Variants in MTO1 observed in about 807,000 individuals in gnomAD.
MTO1 encodes mitochondrial tRNA translation optimization 1, also known as 5-taurinomethyluridine-[tRNA] synthase subunit MTO1, mitochondrial.
In MTO1, 46 loss-of-function variants were observed where a neutral mutation model predicts 71.6. The ratio of observed to expected loss-of-function variants is 0.64; its 90% confidence interval spans 0.51 to 0.82. MTO1 has a LOEUF of 0.82. Among genes scored for constraint, MTO1 ranks in the 40% least tolerant of loss-of-function variants. MTO1 has a pLI of 0.00. For missense variants in MTO1, 773 were observed against 867.5 expected, an observed-to-expected ratio of 0.89 and a Z score of 1.37; for synonymous variants, 297 against 312.1, an observed-to-expected ratio of 0.95 and a Z score of 0.51.
rs560279315 is a variant in MTO1 at position 73,501,572 on chromosome 6, C to G, written c.*837C>G. 1 of 152,196 alleles carries G rather than the reference C, an allele frequency of 6.6e-6. No homozygotes were observed. Among genetic ancestry groups the G allele is most frequent in the East Asian group, 1.9e-4 (1 of 5,184 alleles). The allele number at this position is 152,196 out of a possible 1,614,324, so 9.4% of individuals were successfully genotyped here. A position where few individuals can be genotyped will look rare whatever the true frequency, so the allele number is the denominator to read the frequency against. Reference sequence around the variant, plus strand: ...GAAAAAACAGAATAGTGGTAGTACCCCTCTTCCTCTCCAGTACTTCAATGG... The same window carrying G: ...GAAAAAACAGAATAGTGGTAGTACCGCTCTTCCTCTCCAGTACTTCAATGG... On this transcript the variant is annotated 3_prime_UTR_variant, in exon 12 of 12. Coordinates refer to ENST00000498286, the MANE Select transcript of MTO1 (RefSeq NM_012123.4).
chr6:73,498,801 T>G (rs776415941), intron 11 of MTO1, among the ~76,000 whole-genome samples: 10 of 151,958 alleles, frequency 6.6e-5, no homozygotes, highest in Non-Finnish European at 1.3e-4. Flanking sequence ...CTCGGCTCAC[T>G]GCAACCTCTG....
At position 73,466,234 on chromosome 6, in the gene MTO1, T is replaced by C; in HGVS notation, c.243T>C (p.Phe81=). 6.2e-7 allele frequency: 1 copy of C among 1,613,954 alleles called. No individual in the cohort carries two copies. The highest frequency in any genetic ancestry group is 8.5e-7 in the Non-Finnish European group (1 of 1,179,798). ...GTCAGATGTCATGTAATCCTTCCTT[T>C]GGTGGCATCGGAAAGGGACATTTAA... is the stretch of plus-strand genomic sequence containing the variant. The part of the protein sequence containing the change: ...TIGQMSCNPS[F]GGIGKGHLMR... Residue 81 remains phenylalanine (F), a synonymous_variant, in exon 2 of 12, where the codon TTT becomes TTC. Coordinates refer to ENST00000498286, the MANE Select transcript of MTO1 (RefSeq NM_012123.4).
Position 73,482,460 on chromosome 6 carries a change from G to A in MTO1, c.1477G>A (p.Ala493Thr), listed in dbSNP as rs780923379. 8.1e-6 allele frequency: 13 copies of A among 1,612,046 alleles called. No homozygotes were observed. Among genetic ancestry groups the A allele is most frequent in the Middle Eastern group, 1.8e-4 (1 of 5,690 alleles). ...TCTCCCTTCCCTAGGGTATAAAGAC[G>A]CTGGCTGTGTGTCCCAACAACGATA... ...SRLTLRGYKDAGCVSQQRYER... is the reference protein window; with the variant it reads ...SRLTLRGYKDTGCVSQQRYER... Residue 493 changes from alanine (A) to threonine (T), a missense_variant, in exon 9 of 12, where the codon GCT becomes ACT. Physicochemically the swap from Ala to Thr is moderately conservative, Grantham distance 58. Transcript: ENST00000498286.
Position 73,489,328 on chromosome 6 carries a change from C to T in MTO1, c.1638-2906C>T, listed in dbSNP as rs1771743559. 2.7e-5 allele frequency among the ~76,000 whole-genome samples: 4 copies of T among 148,620 alleles called. No homozygotes were observed. In the South Asian group the frequency reaches 8.5e-4, roughly 31 times the overall value. ...ACTTTTAAGTTCTAGGGTACATGTG[C>T]ACAACGTGCAGGTTTGTTACATATA... On this transcript the variant is annotated intron_variant, in intron 9 of 11. Coordinates refer to ENST00000498286, the MANE Select transcript of MTO1 (RefSeq NM_012123.4).
chr6:73,475,837 A>G (rs1254704483), intron 4 of MTO1, among the ~76,000 whole-genome samples: 1 of 151,854 alleles, frequency 6.6e-6, no homozygotes. Flanking sequence ...ACCTCAGGTG[A>G]TCCACCTTCA....
In MTO1 at chr6:73,504,373, C is replaced by T. The variant is rs1301741492; in HGVS notation, c.*3638C>T. 2 of 152,202 alleles carry T rather than the reference C, an allele frequency of 1.3e-5. No homozygotes were observed. Among genetic ancestry groups the T allele is most frequent in the African/African-American group, 4.8e-5 (2 of 41,428 alleles). The allele number at this position is 152,202 out of a possible 1,614,324, so 9.4% of individuals were successfully genotyped here. A position where few individuals can be genotyped will look rare whatever the true frequency, so the allele number is the denominator to read the frequency against. On this transcript the variant is annotated 3_prime_UTR_variant, in exon 12 of 12. Coordinates refer to ENST00000498286, the MANE Select transcript of MTO1 (RefSeq NM_012123.4). ...CTCAAAGTCCTGGGCTCAATTAATCCTCCCTCTTCAGCCTCCTGTGTAGGT... is the reference window on the plus strand; with the variant it reads ...CTCAAAGTCCTGGGCTCAATTAATCTTCCCTCTTCAGCCTCCTGTGTAGGT...
intron 4 of MTO1, among the ~76,000 whole-genome samples, chr6:73,479,467 C>T (rs1022159090): frequency 3.3e-5 from 5 of 151,964 alleles, no homozygotes; most frequent in Non-Finnish European, 5.9e-5. Context: ...TGCCCTCCAG[C>T]CTGGGCAACA....
At chr6:73,475,702 G>C (rs572099053) in intron 4 of MTO1, among the ~76,000 whole-genome samples, 1 of 151,946 alleles carries the variant, frequency 6.6e-6, no homozygotes, top group African/African-American at 2.4e-5. Flanking sequence ...TTAGTAGATG[G>C]GGTTTCTCCA....
intron 3 of MTO1, among the ~76,000 whole-genome samples, chr6:73,467,125 G>A (rs1771021961): frequency 6.6e-6 from 1 of 151,758 alleles, no homozygotes; most frequent in South Asian, 2.1e-4. Context: ...ACCAGCCTCG[G>A]CAAGATGGCA....
At chr6:73,498,164 T>C (rs1772049188) in intron 11 of MTO1, among the ~76,000 whole-genome samples, 1 of 151,912 alleles carries the variant, frequency 6.6e-6, no homozygotes, top group Admixed American at 6.6e-5. Flanking sequence ...TGAGCCATGA[T>C]TGCACGACTG....
chr6:73,485,441 C>CTTTTTTTT (rs1234020094), intron 9 of MTO1, among the ~76,000 whole-genome samples: 1 of 142,134 alleles, frequency 7.0e-6, no homozygotes, highest in African/African-American at 2.6e-5. Flanking sequence ...TTCTTTCTTT[C>CTTTTTTTT]TTTTTTTTTT....
chr6:73,493,346 G>C (rs965802355), intron 10 of MTO1, among the ~76,000 whole-genome samples: 1 of 104,476 alleles, frequency 9.6e-6, no homozygotes, highest in Non-Finnish European at 1.9e-5. Flanking sequence ...TATTTGAAAT[G>C]TGCATGTATG....
rs181409398 is a variant in MTO1 at position 73,496,776 on chromosome 6, C to T, written c.1757-960C>T. Among the ~76,000 whole-genome samples, 81 of 151,924 alleles carry T rather than the reference C, an allele frequency of 5.3e-4. 2 individuals carry two copies. The highest frequency in any genetic ancestry group is 4.7e-3 in the Admixed American group (72 of 15,216). On this transcript the variant is annotated intron_variant, in intron 10 of 11. Transcript: ENST00000498286. ...TCTTAGAGAAGTAGCTTATCTCAGC[C>T]GGGCATGGTGGCTCATGCCTATAAT...
rs531585183 is a variant in MTO1 at position 73,462,132 on chromosome 6, C to T, written c.217+61C>T. On this transcript the variant is annotated intron_variant, in intron 1 of 11. Coordinates refer to ENST00000498286, the MANE Select transcript of MTO1 (RefSeq NM_012123.4). ...ACGCAGGCTGCTTCCTTCCCGCCTC[C>T]CCCGGTCTGAAGCGGGGGACCTCTT... 2.6e-6 allele frequency: 4 copies of T among 1,560,934 alleles called. No homozygotes were observed. The South Asian group carries it at 3.3e-5, about 13-fold the overall frequency.
rs771594943 is a variant in MTO1, at chr6:73,479,968, G to A, written c.971G>A (p.Arg324His). ...YCPSIESKVL[R>H]FPNRLHQVWL... ...CCCTCCATTGAATCAAAAGTTTTGC[G>A]TTTTCCAAACCGTCTACATCAGGTT... The change falls in exon 6 of 12, where the codon CGT (arginine) becomes CAT (histidine). Residue 324 changes from arginine to histidine, a missense_variant. Arg to His is a conservative substitution (Grantham distance 29). Coordinates refer to ENST00000498286, the MANE Select transcript of MTO1 (RefSeq NM_012123.4). The A allele has an allele frequency of 9.9e-6, 16 of 1,612,962 alleles. No individual in the cohort carries two copies. Among genetic ancestry groups the A allele is most frequent in the African/African-American group, 2.7e-5 (2 of 74,810 alleles).
chr6:73,489,314 C>A (rs1375861754), intron 9 of MTO1, among the ~76,000 whole-genome samples: 3 of 132,656 alleles, frequency 2.3e-5, no homozygotes, highest in African/African-American at 8.5e-5. Context: ...CTTTTAAGTT[C>A]TAGGGTACAT....
At chr6:73,495,669 T>C (rs190546445) in intron 10 of MTO1, among the ~76,000 whole-genome samples, 3 of 152,280 alleles carry the variant, frequency 2.0e-5, no homozygotes, top group African/African-American at 7.2e-5. Context: ...CATAAATCAG[T>C]GTGAGATTCT....
At chr6:73,498,645 C>T (rs374191946) in intron 11 of MTO1, among the ~76,000 whole-genome samples, 2 of 151,880 alleles carry the variant, frequency 1.3e-5, no homozygotes, top group Admixed American at 1.3e-4. Context: ...TATTGGGCTT[C>T]TAATAAATGT....
At chr6:73,482,975 G>A (rs1017166570) in intron 9 of MTO1, among the ~76,000 whole-genome samples, 2 of 151,430 alleles carry the variant, frequency 1.3e-5, no homozygotes, top group Non-Finnish European at 2.9e-5. Context: ...GTATTTTTTA[G>A]TAGAGATGGG....
Sources: allele counts gnomAD v4.1 joint callset (sites outside exome capture counted in the v4.1 genomes callset), GRCh38; gene constraint gnomAD v4.1.1; transcripts MANE v1.5; gene names NCBI Gene and HGNC (gene_info 2026-07-23, HGNC 2026-07-21).